EFHC1: variants seen among roughly 807,000 people sequenced by gnomAD.
EFHC1 encodes EF-hand domain containing 1, also known as EF-hand domain-containing protein 1.
Under a neutral mutation model 69.9 loss-of-function variants are expected in EFHC1, and 53 were observed. That is an observed-to-expected ratio of 0.76 (90% CI 0.61 to 0.95). EFHC1 has a LOEUF of 0.95. Among genes scored for constraint, EFHC1 ranks in the 40% least tolerant of loss-of-function variants. The pLI is 0.00. For missense variants in EFHC1, 739 were observed against 798.7 expected, an observed-to-expected ratio of 0.93 and a Z score of 0.90; for synonymous variants, 256 against 278.4, an observed-to-expected ratio of 0.92 and a Z score of 0.80.
At chr6:52,452,374 C>T (rs978205650) in intron 3 of EFHC1, among the ~76,000 whole-genome samples, 2 of 152,124 alleles carry the variant, frequency 1.3e-5, no homozygotes, top group African/African-American at 4.8e-5. Context: ...GATCATGGCT[C>T]ACTGCAGCCT....
intron 9 of EFHC1, among the ~76,000 whole-genome samples, chr6:52,481,034 T>C (rs1765662103): frequency 6.6e-6 from 1 of 152,110 alleles, no homozygotes. Flanking sequence ...TTGTTGAAAG[T>C]AGATTAGGAG....
chr6:52,477,128 C>T (rs1314169380), intron 7 of EFHC1, among the ~76,000 whole-genome samples: 1 of 151,836 alleles, frequency 6.6e-6, no homozygotes, highest in Admixed American at 6.6e-5. Context: ...CCCGGTATGC[C>T]CCTGCTTAGA....
chr6:52,437,426 A>G (rs570459586), intron 2 of EFHC1: 1 of 152,362 alleles, frequency 6.6e-6, no homozygotes, highest in East Asian at 1.9e-4. Context: ...TATTTAAAGC[A>G]GATGTCAGCA....
In EFHC1 at chr6:52,479,232, A is replaced by C; in HGVS notation, c.1474A>C (p.Ile492Leu). 6.2e-7 allele frequency: 1 copy of C among 1,614,076 alleles called. No individual in the cohort carries two copies. The highest frequency in any genetic ancestry group is 1.3e-5 in the African/African-American group (1 of 75,038). The change falls in exon 8 of 11, where the codon ATT becomes CTT. Residue 492 changes from isoleucine to leucine, a missense_variant. Coordinates refer to ENST00000371068, the MANE Select transcript of EFHC1 (RefSeq NM_018100.4). ...CTACTATGGCCCCAGTGACTTCTTC[A>C]TTGGTGCTGTGATTGAAGGTAGGTC... ...PVYYGPSDFF[I>L]GAVIEVFGHR...
intron 9 of EFHC1, chr6:52,480,033 C>T (rs1027923274): frequency 1.6e-6 from 1 of 639,252 alleles, no homozygotes; most frequent in Non-Finnish European, 2.7e-6. Context: ...CAGCCTCCCT[C>T]CACAGCTGAA....
chr6:52,445,026 G>A (rs1355315566), intron 3 of EFHC1, among the ~76,000 whole-genome samples: 1 of 149,010 alleles, frequency 6.7e-6, no homozygotes, highest in Non-Finnish European at 1.5e-5. Flanking sequence ...GGGAGGGTGT[G>A]TGTGTCCAGG....
Position 52,495,818 on chromosome 6 carries a change from T to TTTAAG in EFHC1, c.*3480_*3484dup. 2.8e-6 allele frequency: 1 copy of TTTAAG among 352,508 alleles called. No homozygotes were observed. The highest frequency in any genetic ancestry group is 5.6e-6 in the Non-Finnish European group (1 of 179,732). The allele number at this position is 352,508 out of a possible 1,614,324, so 21.8% of individuals were successfully genotyped here. ...GTCCACTTCTTGCCTTGCATCTCCT[T>TTTAAG]TTAAGTTTACTTAAGACTGAGAAGC... On this transcript the variant is annotated 3_prime_UTR_variant, in exon 11 of 11. Transcript: ENST00000371068.
chr6:52,462,176 G>A (rs1232337582), intron 5 of EFHC1, among the ~76,000 whole-genome samples: 3 of 151,576 alleles, frequency 2.0e-5, no homozygotes, highest in Non-Finnish European at 2.9e-5. Flanking sequence ...AAAAAACCGT[G>A]TATTTGGAAA....
rs541095114 is a variant in EFHC1 at position 52,458,646 on chromosome 6, G to GA, written c.916+4363dup. Among the ~76,000 whole-genome samples, 875 of 133,916 alleles carry GA rather than the reference G, an allele frequency of 6.5e-3. 14 individuals carry two copies. Among genetic ancestry groups the GA allele is most frequent in the African/African-American group, 0.024 (804 of 33,634 alleles). The allele number at this position is 133,916 out of a possible 152,430, so 87.9% of individuals were successfully genotyped here. The stretch of plus-strand genomic sequence containing the variant: ...TAACAGATGTTGGCAAGCTTGCAGA[G>GA]AAAAGGGAATGCTTATCACTGTTGG... On this transcript the variant is annotated intron_variant, in intron 5 of 10. Coordinates refer to ENST00000371068, the MANE Select transcript of EFHC1 (RefSeq NM_018100.4).
intron 7 of EFHC1, among the ~76,000 whole-genome samples, chr6:52,473,641 G>A (rs1313681155): frequency 1.3e-5 from 2 of 152,068 alleles, no homozygotes; most frequent in Admixed American, 6.6e-5. Context: ...AATTAGCTGG[G>A]CATGTTAGTG....
intron 3 of EFHC1, among the ~76,000 whole-genome samples, chr6:52,450,255 T>C (rs763556995): frequency 5.9e-5 from 9 of 152,362 alleles, no homozygotes; most frequent in Non-Finnish European, 1.0e-4. Flanking sequence ...ATGTGCCATG[T>C]GGTGATGAGA....
At chr6:52,425,487 A>G (rs945391809) in intron 2 of EFHC1, among the ~76,000 whole-genome samples, 6 of 151,996 alleles carry the variant, frequency 3.9e-5, no homozygotes, top group African/African-American at 1.2e-4. Flanking sequence ...TCAGAGGAGA[A>G]ATTGCGCTTG....
Position 52,495,227 on chromosome 6 carries a change from C to T in EFHC1, c.*2886C>T. ...GTAATTAGGCAGCTCAATCCCTTTC[C>T]TTTAGACTGTTTCAGGGGAGAACCA... On this transcript the variant is annotated 3_prime_UTR_variant, in exon 11 of 11. Transcript: ENST00000371068. 2.2e-6 allele frequency: 1 copy of T among 454,130 alleles called. No homozygotes were observed. The highest frequency in any genetic ancestry group is 1.6e-5 in the South Asian group (1 of 64,478). 28.1% of individuals were successfully genotyped at this position (454,130 alleles called of 1,614,324 possible). A position where few individuals can be genotyped will look rare whatever the true frequency, so the allele number is the denominator to read the frequency against.
At chr6:52,479,923 T>C in intron 9 of EFHC1, 136 bp downstream of exon 9, 1 of 1,372,226 alleles carries the variant, frequency 7.3e-7, no homozygotes, top group Admixed American at 2.0e-5. Flanking sequence ...AAACAGAAGG[T>C]TCCCTGTGTC....
In EFHC1 at chr6:52,424,019, G is replaced by A; in HGVS notation, c.137G>A (p.Gly46Glu). 6.2e-7 allele frequency: 1 copy of A among 1,614,146 alleles called. No homozygotes were observed. The highest frequency in any genetic ancestry group is 8.5e-7 in the Non-Finnish European group (1 of 1,180,028). The change falls in exon 2 of 11, where the codon GGG becomes GAG. Residue 46 changes from glycine to glutamate, a missense_variant. Coordinates refer to ENST00000371068, the MANE Select transcript of EFHC1 (RefSeq NM_018100.4). ...GCAATTGTTCGACGTCCAACAGTTGGGATAGGCGGAGACCGGCTCCAGTTC... is the reference window on the plus strand; with the variant it reads ...GCAATTGTTCGACGTCCAACAGTTGAGATAGGCGGAGACCGGCTCCAGTTC... ...GYAIVRRPTV[G>E]IGGDRLQFNQ...
intron 4 of EFHC1, chr6:52,453,249 A>G (rs1764958811): frequency 7.8e-7 from 1 of 1,289,134 alleles, no homozygotes; most frequent in Non-Finnish European, 1.0e-6. Flanking sequence ...TTGTAATGTT[A>G]AAATGTTTAA....
chr6:52,469,983 T>A (rs1765398447), intron 7 of EFHC1, among the ~76,000 whole-genome samples: 1 of 152,176 alleles, frequency 6.6e-6, no homozygotes, highest in Non-Finnish European at 1.5e-5. Context: ...AGCAGAATTG[T>A]ATGAGAGAAG....
intron 2 of EFHC1, among the ~76,000 whole-genome samples, chr6:52,433,656 C>T (rs1186878913): frequency 6.6e-6 from 1 of 152,136 alleles, no homozygotes; most frequent in Admixed American, 6.5e-5. Context: ...TGGTTGGTCT[C>T]CTGCCAGGAG....
At chr6:52,492,203 A>G in intron 10 of EFHC1, 67 bp from the exon 11 acceptor site, 1 of 1,372,266 alleles carries the variant, frequency 7.3e-7, no homozygotes, top group Non-Finnish European at 1.0e-6. Flanking sequence ...GCATAAGCGC[A>G]CTCTGCAGTT....
Sources: gnomAD v4.1 joint callset for allele counts (sites outside exome capture counted in the v4.1 genomes callset) on GRCh38, gnomAD v4.1.1 for gene constraint, MANE v1.5 for transcripts, NCBI Gene and HGNC (gene_info 2026-07-23, HGNC 2026-07-21) for gene names.